RAPGEF1: variants seen among roughly 807,000 people sequenced by gnomAD.
The protein encoded by RAPGEF1 is Rap guanine nucleotide exchange factor 1.
A neutral mutation model predicts 143.3 loss-of-function variants in RAPGEF1; 33 were observed. The observed-to-expected ratio is 0.23, with a 90% CI of 0.17 to 0.31. RAPGEF1 has a LOEUF of 0.31. Ranked by LOEUF, RAPGEF1 falls within the 10% of genes least tolerant of loss-of-function variation. The pLI, the probability that RAPGEF1 is intolerant of heterozygous loss-of-function variation, is 1.00. For missense variants in RAPGEF1, 1,199 were observed against 1,645.4 expected, an observed-to-expected ratio of 0.73 and a Z score of 4.69; for synonymous variants, 629 against 676.5, an observed-to-expected ratio of 0.93 and a Z score of 1.09.
At chr9:131,627,139 G>A (rs1193436486) in intron 9 of RAPGEF1, among the ~76,000 whole-genome samples, 13 of 147,590 alleles carry the variant, frequency 8.8e-5, no homozygotes, top group African/African-American at 3.0e-4. Context: ...ACTTGAACCC[G>A]GGAGGCGGAG....
At chr9:131,733,911 C>CAGA (rs1174642031) in intron 1 of RAPGEF1, among the ~76,000 whole-genome samples, 2 of 152,198 alleles carry the variant, frequency 1.3e-5, no homozygotes, top group Non-Finnish European at 2.9e-5. Context: ...CCATTCAAAC[C>CAGA]GCCTCTGCCA....
At position 131,583,857 on chromosome 9, in the gene RAPGEF1, T is replaced by G. The variant is rs528127940; in HGVS notation, c.3414+454A>C. On this transcript the variant is annotated intron_variant, in intron 24 of 26. Coordinates refer to ENST00000683357, the MANE Select transcript of RAPGEF1 (RefSeq NM_001377935.1). The surrounding 1 kb of genome is among the most constrained non-coding windows in gnomAD (Gnocchi z 4.7). The stretch of plus-strand genomic sequence containing the variant: ...TCCTCCTCCTCTGCAGATGGTGGCA[T>G]GAGTGACACTTCCTCTGGGCTGGCC... Among the ~76,000 whole-genome samples the G allele has an allele frequency of 6.6e-6, 1 of 152,228 alleles. No individual in the cohort carries two copies. Among genetic ancestry groups the G allele is most frequent in the African/African-American group, 2.4e-5 (1 of 41,462 alleles).
At chr9:131,620,664 T>G (rs1475111319) in intron 11 of RAPGEF1, among the ~76,000 whole-genome samples, 1 of 152,174 alleles carries the variant, frequency 6.6e-6, no homozygotes, top group Non-Finnish European at 1.5e-5. Context: ...CATGGCCACC[T>G]CTGAAGTGGC....
chr9:131,618,540 G>A (rs115033322), intron 12 of RAPGEF1, among the ~76,000 whole-genome samples: 1,761 of 152,266 alleles, frequency 0.012, 40 homozygotes, highest in African/African-American at 0.039. Flanking sequence ...GGCTTTCTAC[G>A]TGAGGAATAG....
intron 1 of RAPGEF1, among the ~76,000 whole-genome samples, chr9:131,718,815 T>C (rs1836050201): frequency 6.6e-6 from 1 of 152,136 alleles, no homozygotes; most frequent in Admixed American, 6.5e-5. Flanking sequence ...GACCAGTGTT[T>C]AGCTAGCTGG....
intron 15 of RAPGEF1, among the ~76,000 whole-genome samples, chr9:131,599,581 G>T (rs1423810994): frequency 6.6e-6 from 1 of 152,088 alleles, no homozygotes; most frequent in Non-Finnish European, 1.5e-5. Flanking sequence ...GAGGCTTGCA[G>T]TACTGAGCCT....
At chr9:131,682,890 A>G (rs1447394376) in intron 1 of RAPGEF1, among the ~76,000 whole-genome samples, 1 of 152,192 alleles carries the variant, frequency 6.6e-6, no homozygotes, top group Non-Finnish European at 1.5e-5. Flanking sequence ...AACCCGCTCA[A>G]TGTAACATAT....
At chr9:131,732,217 C>T (rs112788833) in intron 1 of RAPGEF1, among the ~76,000 whole-genome samples, 72 of 149,698 alleles carry the variant, frequency 4.8e-4, no homozygotes, top group Middle Eastern at 3.4e-3. Flanking sequence ...GAAGCCAGTC[C>T]TAAATCACAT....
At chr9:131,590,913 G>A (rs555429031) in intron 18 of RAPGEF1, among the ~76,000 whole-genome samples, 7 of 152,330 alleles carry the variant, frequency 4.6e-5, no homozygotes, top group Non-Finnish European at 8.8e-5. Context: ...TCTGGGCCTC[G>A]GTTTCCTCAA....
chr9:131,587,552 G>A (rs1330763189), intron 22 of RAPGEF1, among the ~76,000 whole-genome samples, 184 bp downstream of exon 22: 1 of 152,184 alleles, frequency 6.6e-6, no homozygotes, highest in Non-Finnish European at 1.5e-5. Context: ...CTTCCAGCAA[G>A]CCCCATCCTG....
intron 1 of RAPGEF1, among the ~76,000 whole-genome samples, chr9:131,659,264 C>T (rs11790275): frequency 0.27 from 40,529 of 151,970 alleles, 5,702 homozygotes; most frequent in South Asian, 0.36. Context: ...TTTTGTGGAC[C>T]GCAAGGTAAA....
intron 1 of RAPGEF1, among the ~76,000 whole-genome samples, chr9:131,707,501 C>G (rs1471528063): frequency 6.6e-6 from 1 of 152,124 alleles, no homozygotes; most frequent in African/African-American, 2.4e-5. Flanking sequence ...AGTGCAGTGG[C>G]ATGACCTCAG....
chr9:131,628,774 C>T lies in RAPGEF1; in HGVS notation c.894-102G>A. The T allele has an allele frequency of 7.0e-7, 1 of 1,430,318 alleles. No homozygotes were observed. The highest frequency in any genetic ancestry group is 1.4e-5 in the South Asian group (1 of 71,794). 88.6% of individuals were successfully genotyped at this position (1,430,318 alleles called of 1,614,324 possible). On this transcript the variant is annotated intron_variant, in intron 7 of 26. Coordinates refer to ENST00000683357, the MANE Select transcript of RAPGEF1 (RefSeq NM_001377935.1). This position sits in a 1 kb window ranked among gnomAD's most constrained non-coding sequence, Gnocchi z 5.7. ...TGTGGGGTTCTTTCATTACTAGACT[C>T]TCCACACCCAATGTTCACACTTCAA...
chr9:131,605,715 T>C (rs950787866), intron 12 of RAPGEF1, among the ~76,000 whole-genome samples: 3 of 152,070 alleles, frequency 2.0e-5, no homozygotes, highest in Non-Finnish European at 4.4e-5. Context: ...ATGCTAACGA[T>C]GTCTGAGTCC....
At chr9:131,622,837 G>A (rs1047447066) in intron 10 of RAPGEF1, among the ~76,000 whole-genome samples, 5 of 151,054 alleles carry the variant, frequency 3.3e-5, no homozygotes, top group African/African-American at 1.2e-4. Context: ...GTGCAATCTC[G>A]GCTCACTGCA....
chr9:131,718,092 G>A (rs1258555813), intron 1 of RAPGEF1, among the ~76,000 whole-genome samples: 3 of 152,186 alleles, frequency 2.0e-5, no homozygotes, highest in African/African-American at 7.2e-5. Flanking sequence ...ATCAGCAAAC[G>A]GTGGCACCAG....
chr9:131,584,126 T>C lies in RAPGEF1; in HGVS notation c.3414+185A>G, dbSNP rs1952319586. Reference sequence around the variant, plus strand: ...CTCGAAGCTCCCGGGGGCCTGAAGATTGGGGATCAGAGACAGGAAGGCGGG... The same window carrying C: ...CTCGAAGCTCCCGGGGGCCTGAAGACTGGGGATCAGAGACAGGAAGGCGGG... On this transcript the variant is annotated intron_variant, in intron 24 of 26. Coordinates refer to ENST00000683357, the MANE Select transcript of RAPGEF1 (RefSeq NM_001377935.1). This position sits in a 1 kb window ranked among gnomAD's most constrained non-coding sequence, Gnocchi z 6.8. Among the ~76,000 whole-genome samples, 1 of 152,090 alleles carries C rather than the reference T, an allele frequency of 6.6e-6. No individual in the cohort carries two copies. Among genetic ancestry groups the C allele is most frequent in the African/African-American group, 2.4e-5 (1 of 41,424 alleles).
intron 1 of RAPGEF1, among the ~76,000 whole-genome samples, chr9:131,694,731 A>G (rs1834015734): frequency 6.7e-6 from 1 of 149,368 alleles, no homozygotes; most frequent in Non-Finnish European, 1.5e-5. Context: ...ACCTGACCCC[A>G]TGATCCCTGG....
intron 1 of RAPGEF1, among the ~76,000 whole-genome samples, chr9:131,715,219 G>T (rs79699619): frequency 2.3e-3 from 357 of 152,250 alleles, no homozygotes; most frequent in Middle Eastern, 0.017. Flanking sequence ...GGGGAGGGTC[G>T]GATAACATGC....
Sources: gnomAD v4.1 joint callset for allele counts (sites outside exome capture counted in the v4.1 genomes callset) on GRCh38, gnomAD v4.1.1 for gene constraint, Gnocchi (gnomAD v3.1) non-coding constraint, MANE v1.5 for transcripts, NCBI Gene and HGNC (gene_info 2026-07-23, HGNC 2026-07-21) for gene names.